The following MAP3K4 variants were observed in gnomAD, a reference collection of about 807,000 sequenced individuals.
MAP3K4 encodes the protein MAP three kinase 1.
MAP3K4 carries 67 observed loss-of-function variants against 185.6 expected under a neutral mutation model. The observed-to-expected ratio is 0.36, with a 90% CI of 0.30 to 0.44. MAP3K4 has a LOEUF of 0.44. Among genes scored for constraint, MAP3K4 ranks in the 20% least tolerant of loss-of-function variants. MAP3K4 has a pLI of 1.00. For synonymous variants in MAP3K4, 702 were observed against 710.4 expected (o/e 0.99, Z 0.19); for missense variants, 1,551 against 1,995.1 (o/e 0.78, Z 4.24).
rs754764023 is a variant in MAP3K4, at chr6:161,048,310, T to C, written c.344-306T>C. The C allele has an allele frequency of 5.2e-6, 3 of 579,432 alleles. No homozygotes were observed. Among genetic ancestry groups the C allele is most frequent in the Non-Finnish European group, 3.4e-6 (1 of 291,930 alleles). The allele number at this position is 579,432 out of a possible 1,614,324, so 35.9% of individuals were successfully genotyped here. On this transcript the variant is annotated intron_variant, in intron 2 of 26. Coordinates refer to ENST00000392142, the MANE Select transcript of MAP3K4 (RefSeq NM_005922.4). This position sits in a 1 kb window ranked among gnomAD's most constrained non-coding sequence, Gnocchi z 4.7. Reference sequence around the variant, plus strand: ...ATTGAAGGTGATTACTTACGGAAATTTGGTTAAATGATTTGATAACTATGC... The same window carrying C: ...ATTGAAGGTGATTACTTACGGAAATCTGGTTAAATGATTTGATAACTATGC...
chr6:161,026,420 C>T (rs1392397695), intron 1 of MAP3K4, among the ~76,000 whole-genome samples: 2 of 152,076 alleles, frequency 1.3e-5, no homozygotes, highest in Non-Finnish European at 2.9e-5. Context: ...CAGGCATGAG[C>T]CACCGTGCCC....
chr6:161,092,399 G>A (rs572246648), intron 13 of MAP3K4, among the ~76,000 whole-genome samples: 1 of 152,198 alleles, frequency 6.6e-6, no homozygotes, highest in South Asian at 2.1e-4. Context: ...AAGTCTTCCT[G>A]ATGACTAATG....
chr6:161,107,807 CA>C lies in MAP3K4; in HGVS notation c.4049-88del, dbSNP rs754065771. On this transcript the variant is annotated intron_variant, in intron 20 of 26. Coordinates refer to ENST00000392142, the MANE Select transcript of MAP3K4 (RefSeq NM_005922.4). This position sits in a 1 kb window ranked among gnomAD's most constrained non-coding sequence, Gnocchi z 6.2. ...AATTATAGATATATAAATATACGTC[CA>C]AAATAATTGGACAGTATTATTACAA... is the stretch of plus-strand genomic sequence containing the variant. The C allele has an allele frequency of 6.4e-5, 55 of 855,252 alleles. No individual in the cohort carries two copies. Among genetic ancestry groups the C allele is most frequent in the Middle Eastern group, 4.6e-4 (2 of 4,392 alleles). 53.0% of individuals were successfully genotyped at this position (855,252 alleles called of 1,614,324 possible).
At chr6:161,047,035 GTGTGTTCTTATAAT>G (rs899039263) in intron 2 of MAP3K4, among the ~76,000 whole-genome samples, 1 of 146,318 alleles carries the variant, frequency 6.8e-6, no homozygotes, top group African/African-American at 2.5e-5. Context: ...ATAATTGATG[GTGTGTTCTTATAAT>G]TGGAATTTTT....
At chr6:161,059,854 C>T (rs1484576417) in intron 3 of MAP3K4, among the ~76,000 whole-genome samples, 1 of 108,480 alleles carries the variant, frequency 9.2e-6, no homozygotes, top group Admixed American at 1.2e-4. Flanking sequence ...TCTGTAGATT[C>T]CCCCTGCCTT....
intron 1 of MAP3K4, among the ~76,000 whole-genome samples, chr6:161,031,230 G>A (rs187060099): frequency 3.3e-5 from 5 of 152,134 alleles, no homozygotes; most frequent in East Asian, 1.9e-4. Context: ...GGAAAACAAG[G>A]GACTGTTAGC....
rs1778119468 is a variant in MAP3K4 at position 161,107,149 on chromosome 6, C to G, written c.4048+444C>G. Among the ~76,000 whole-genome samples the G allele has an allele frequency of 6.6e-6, 1 of 152,068 alleles. No individual in the cohort carries two copies. Among genetic ancestry groups the G allele is most frequent in the African/African-American group, 2.4e-5 (1 of 41,392 alleles). On this transcript the variant is annotated intron_variant, in intron 20 of 26. Transcript: ENST00000392142. This position sits in a 1 kb window ranked among gnomAD's most constrained non-coding sequence, Gnocchi z 6.2. ...ACAGTCTTCTTTTCTAAAACATTGC[C>G]TCATTAATTAATTTCCAGGTGGAAT...
At chr6:161,083,171 C>T (rs961861551) in intron 6 of MAP3K4, among the ~76,000 whole-genome samples, 1 of 152,134 alleles carries the variant, frequency 6.6e-6, no homozygotes, top group Non-Finnish European at 1.5e-5. Context: ...TTCCCCACTT[C>T]CTTCAGGTCT....
At position 161,014,751 on chromosome 6, in the gene MAP3K4, T is replaced by G. The variant is rs531792427; in HGVS notation, c.153-19508T>G. 2.6e-5 allele frequency among the ~76,000 whole-genome samples: 4 copies of G among 152,344 alleles called. No homozygotes were observed. In the South Asian group the frequency reaches 8.3e-4, roughly 32 times the overall value. On this transcript the variant is annotated intron_variant, in intron 1 of 26. Transcript: ENST00000392142. ...CCTTTACTTATATTTTAGATAGCTT[T>G]GTTGAGATACAATTCATATGTCATC...
Position 161,107,936 on chromosome 6 carries a change from C to A in MAP3K4, c.4086C>A (p.Ser1362Arg). The A allele has an allele frequency of 6.2e-7, 1 of 1,614,018 alleles. No homozygotes were observed. The highest frequency in any genetic ancestry group is 2.2e-5 in the East Asian group (1 of 44,874). The change falls in exon 21 of 27, where the codon AGC becomes AGA. Residue 1362 changes from serine to arginine, a missense_variant. Ser to Arg is a moderately radical substitution (Grantham distance 110). Coordinates refer to ENST00000392142, the MANE Select transcript of MAP3K4 (RefSeq NM_005922.4). This position sits in a 1 kb window ranked among gnomAD's most constrained non-coding sequence, Gnocchi z 6.2. ...ATGGGAAGGTGTACACCTGCATCAGCGTCGACACCGGGGAGCTGATGGCCA... is the reference window on the plus strand; with the variant it reads ...ATGGGAAGGTGTACACCTGCATCAGAGTCGACACCGGGGAGCTGATGGCCA... ...GQYGKVYTCI[S>R]VDTGELMAMK...
intron 25 of MAP3K4, among the ~76,000 whole-genome samples, chr6:161,113,525 G>GT (rs1362903843): frequency 6.6e-6 from 1 of 152,114 alleles, no homozygotes; most frequent in Admixed American, 6.5e-5. Flanking sequence ...ATGGACTTCA[G>GT]TTAACAGTAG....
rs754783523 is a variant in MAP3K4 at position 161,022,093 on chromosome 6, A to G, written c.153-12166A>G. The G allele has an allele frequency of 1.3e-5, 2 of 152,164 alleles. No individual in the cohort carries two copies. Among genetic ancestry groups the G allele is most frequent in the Non-Finnish European group, 2.9e-5 (2 of 68,022 alleles). The allele number at this position is 152,164 out of a possible 1,614,324, so 9.4% of individuals were successfully genotyped here. ...TCCCTAGTTTGAAAGGCTGTTTTCT[A>G]TTTCAACACACGCACACCGGCACAC... is the stretch of plus-strand genomic sequence containing the variant. On this transcript the variant is annotated intron_variant, in intron 1 of 26. Transcript: ENST00000392142. This position sits in a 1 kb window ranked among gnomAD's most constrained non-coding sequence, Gnocchi z 4.2.
rs562596118 is a variant in MAP3K4 at position 161,097,815 on chromosome 6, C to T, written c.3525-463C>T. 6.6e-6 allele frequency among the ~76,000 whole-genome samples: 1 copy of T among 151,650 alleles called. No individual in the cohort carries two copies. Among genetic ancestry groups the T allele is most frequent in the East Asian group, 1.9e-4 (1 of 5,140 alleles). On this transcript the variant is annotated intron_variant, in intron 16 of 26. Coordinates refer to ENST00000392142, the MANE Select transcript of MAP3K4 (RefSeq NM_005922.4). This position sits in a 1 kb window ranked among gnomAD's most constrained non-coding sequence, Gnocchi z 4.9. ...TTAAAGCTTTGAGGGGACCGGGGTG[C>T]GGTGACTCACGCCTGTAATTCCAGC...
At chr6:160,992,414 A>G in intron 1 of MAP3K4, 1 of 397,790 alleles carries the variant, frequency 2.5e-6, no homozygotes, top group South Asian at 3.9e-5. Flanking sequence ...TAGCTTCGGA[A>G]GAGTGGCCTC....
Position 161,086,594 on chromosome 6 carries a change from TAGC to T in MAP3K4, c.2489_2491del (p.Ala830del), listed in dbSNP as rs1785723838. 4 of 1,613,844 alleles carry T rather than the reference TAGC, an allele frequency of 2.5e-6. No homozygotes were observed. Among genetic ancestry groups the T allele is most frequent in the Admixed American group, 3.3e-5 (2 of 59,988 alleles). On this transcript the variant is annotated inframe_deletion, in exon 9 of 27. Coordinates refer to ENST00000392142, the MANE Select transcript of MAP3K4 (RefSeq NM_005922.4). The surrounding 1 kb of genome is among the most constrained non-coding windows in gnomAD (Gnocchi z 4.8). The stretch of plus-strand genomic sequence containing the variant: ...TAACTGTGATCCTAGGACCTGGAAA[TAGC>T]AGCAGAATTCAGGCTTTCAGCCCCA...
chr6:161,097,374 G>T lies in MAP3K4; in HGVS notation c.3524+198G>T, dbSNP rs1188792116. Among the ~76,000 whole-genome samples, 2 of 152,212 alleles carry T rather than the reference G, an allele frequency of 1.3e-5. No homozygotes were observed. The highest frequency in any genetic ancestry group is 2.9e-5 in the Non-Finnish European group (2 of 68,040). ...ACATGCAAATTTAAAACAGACCTGT[G>T]CCTTTCAAGATAACTTCGTTTCTCA... On this transcript the variant is annotated intron_variant, in intron 16 of 26. Coordinates refer to ENST00000392142, the MANE Select transcript of MAP3K4 (RefSeq NM_005922.4). This position sits in a 1 kb window ranked among gnomAD's most constrained non-coding sequence, Gnocchi z 4.9.
At chr6:161,068,769 G>A (rs1784811814) in intron 3 of MAP3K4, among the ~76,000 whole-genome samples, 1 of 152,214 alleles carries the variant, frequency 6.6e-6, no homozygotes, top group Non-Finnish European at 1.5e-5. Flanking sequence ...GGAAAGAAAA[G>A]TGTGGAAGGC....
At chr6:161,032,006 A>G (rs1408513444) in intron 1 of MAP3K4, among the ~76,000 whole-genome samples, 1 of 152,174 alleles carries the variant, frequency 6.6e-6, no homozygotes, top group Non-Finnish European at 1.5e-5. Context: ...AACTGACTAA[A>G]CATTTATGCT....
At chr6:161,039,849 G>C (rs562095485) in intron 2 of MAP3K4, among the ~76,000 whole-genome samples, 1 of 152,308 alleles carries the variant, frequency 6.6e-6, no homozygotes, top group African/African-American at 2.4e-5. Flanking sequence ...ATTGTTCTGT[G>C]TAAGGACATT....
Sources: allele counts gnomAD v4.1 joint callset (sites outside exome capture counted in the v4.1 genomes callset), GRCh38; gene constraint gnomAD v4.1.1; non-coding constraint Gnocchi (gnomAD v3.1); transcripts MANE v1.5; gene names NCBI Gene and HGNC (gene_info 2026-07-23, HGNC 2026-07-21).